The following FYB2 variants were observed in gnomAD, a reference collection of about 807,000 sequenced individuals.
FYB2 encodes FYN binding protein 2, also known as FYN-binding protein 2.
Under a neutral mutation model 94.1 loss-of-function variants are expected in FYB2, and 103 were observed. That is an observed-to-expected ratio of 1.09 (90% CI 0.93 to 1.29). The LOEUF (loss-of-function observed/expected upper bound fraction) is 1.29, where lower values mean the gene tolerates loss of function less well. Ranked by LOEUF, FYB2 falls within the 50% of genes most tolerant of loss-of-function variation. The probability of loss-of-function intolerance (pLI) is 0.00; values close to 1 mark genes in which losing one functional copy is unlikely to be tolerated. For missense variants in FYB2, 896 were observed against 841.5 expected, an observed-to-expected ratio of 1.06 and a Z score of -0.80; for synonymous variants, 293 against 287.9, an observed-to-expected ratio of 1.02 and a Z score of -0.18.
At chr1:56,769,612 G>A (rs562531148) in intron 4 of FYB2, among the ~76,000 whole-genome samples, 3 of 152,130 alleles carry the variant, frequency 2.0e-5, no homozygotes, top group South Asian at 2.1e-4. Context: ...CATTATTTAC[G>A]AGCAGGATGG....
chr1:56,762,461 A>G (rs1645519765), intron 5 of FYB2, among the ~76,000 whole-genome samples: 1 of 152,200 alleles, frequency 6.6e-6, no homozygotes. Flanking sequence ...TAGGATTTAA[A>G]TATAAACACA....
In FYB2 at chr1:56,750,392, C is replaced by A. The variant is rs188014368; in HGVS notation, c.1387+652G>T. 2.0e-4 allele frequency among the ~76,000 whole-genome samples: 31 copies of A among 152,030 alleles called. 1 individual carries two copies. Among genetic ancestry groups the A allele is most frequent in the Non-Finnish European group, 3.1e-4 (21 of 67,948 alleles). ...GGCCGTTCTGTTGCTATTGAAGTGT[C>A]AACTGAAAGGGTAGCAAAACCAGGA... On this transcript the variant is annotated intron_variant, in intron 9 of 19. Coordinates refer to ENST00000343433, the MANE Select transcript of FYB2 (RefSeq NM_001004303.5).
At chr1:56,816,155 A>G (rs1646877595) in intron 1 of FYB2, among the ~76,000 whole-genome samples, 1 of 152,232 alleles carries the variant, frequency 6.6e-6, no homozygotes, top group Non-Finnish European at 1.5e-5. Context: ...GCATTTTTCT[A>G]TATTTCACAA....
In FYB2 at chr1:56,719,837, AG is replaced by A. The variant is rs112749812; in HGVS notation, c.2166-146del. ...ATAAAGCTGTGTAGAGAAGTTTGAT[AG>A]CATACTCAGGAGAGACAGTAATAAA... On this transcript the variant is annotated intron_variant, in intron 19 of 19. Coordinates refer to ENST00000343433, the MANE Select transcript of FYB2 (RefSeq NM_001004303.5). The A allele has an allele frequency of 1.8e-5, 18 of 1,020,752 alleles. No individual in the cohort carries two copies. The African/African-American group carries it at 2.6e-4, about 15-fold the overall frequency. 63.2% of individuals were successfully genotyped at this position (1,020,752 alleles called of 1,614,324 possible). A position where few individuals can be genotyped will look rare whatever the true frequency, so the allele number is the denominator to read the frequency against.
chr1:56,779,960 T>C (rs1204225209), intron 4 of FYB2, among the ~76,000 whole-genome samples: 1 of 152,130 alleles, frequency 6.6e-6, no homozygotes, highest in Non-Finnish European at 1.5e-5. Flanking sequence ...ACTAATATTG[T>C]GTATATTCAC....
At chr1:56,730,850 A>T (rs1644692536) in intron 15 of FYB2, among the ~76,000 whole-genome samples, 1 of 152,136 alleles carries the variant, frequency 6.6e-6, no homozygotes, top group South Asian at 2.1e-4. Context: ...TTACAGGTCG[A>T]TATCCCTGAT....
At chr1:56,737,962 T>A (rs1337194708) in intron 14 of FYB2, among the ~76,000 whole-genome samples, 2 of 152,096 alleles carry the variant, frequency 1.3e-5, no homozygotes, top group African/African-American at 4.8e-5. Flanking sequence ...TTATGAAATA[T>A]AATATACTTT....
At chr1:56,765,947 T>G (rs1165827376) in intron 5 of FYB2, among the ~76,000 whole-genome samples, 1 of 152,142 alleles carries the variant, frequency 6.6e-6, no homozygotes, top group Non-Finnish European at 1.5e-5. Context: ...ATGAGCTACT[T>G]GCAGGGGGGT....
upstream of FYB2, among the ~76,000 whole-genome samples, chr1:56,823,175 G>C (rs532580154): frequency 7.1e-4 from 108 of 152,276 alleles, no homozygotes; most frequent in African/African-American, 2.5e-3. Context: ...AGAAAGGTTA[G>C]GCAGATGTCC....
chr1:56,806,404 G>T (rs1288376727), intron 1 of FYB2, among the ~76,000 whole-genome samples: 1 of 152,182 alleles, frequency 6.6e-6, no homozygotes, highest in African/African-American at 2.4e-5. Flanking sequence ...GCATTTCAAA[G>T]ACCTGAACCT....
Position 56,744,274 on chromosome 1 carries a change from G to A in FYB2, c.1388-8C>T, listed in dbSNP as rs1450711267. ...AAACCTCCAGATGCCCACCTGAAAG[G>A]AAACCAGAAAACCTGAAAAACATCA... is the stretch of plus-strand genomic sequence containing the variant. On this transcript the variant is annotated splice_region_variant and splice_polypyrimidine_tract_variant and intron_variant, in intron 9 of 19. Coordinates refer to ENST00000343433, the MANE Select transcript of FYB2 (RefSeq NM_001004303.5). The A allele has an allele frequency of 3.8e-6, 6 of 1,599,676 alleles. No homozygotes were observed. The highest frequency in any genetic ancestry group is 5.1e-6 in the Non-Finnish European group (6 of 1,170,420).
chr1:56,737,540 G>T (rs947259771), intron 14 of FYB2: 15 of 156,716 alleles, frequency 9.6e-5, no homozygotes, highest in Non-Finnish European at 2.0e-4. Context: ...TCCTAGGGGG[G>T]AGAAACAGCT....
chr1:56,726,324 T>C (rs1644582604), intron 16 of FYB2, among the ~76,000 whole-genome samples, 173 bp downstream of exon 16: 2 of 152,092 alleles, frequency 1.3e-5, no homozygotes, highest in African/African-American at 4.8e-5. Flanking sequence ...TATTTTTATA[T>C]TCTTTGTCCC....
In FYB2 at chr1:56,751,008, T is replaced by TAATGATGA. The variant is rs148805895; in HGVS notation, c.1387+28_1387+35dup. 2.6e-3 allele frequency: 4,113 copies of TAATGATGA among 1,594,808 alleles called. 77 individuals are homozygous for TAATGATGA. The African/African-American group carries it at 0.048, about 19-fold the overall frequency. Reference sequence around the variant, plus strand: ...CCATGCTCAGCTATAAAACAAATTGTAATGATGAAGAAGATCAGAAAGAAA... The same window carrying TAATGATGA: ...CCATGCTCAGCTATAAAACAAATTGTAATGATGAAATGATGAAGAAGATCAGAAAGAAA... On this transcript the variant is annotated intron_variant, in intron 9 of 19. Coordinates refer to ENST00000343433, the MANE Select transcript of FYB2 (RefSeq NM_001004303.5).
chr1:56,757,687 C>CTTCCTTCCTTCTTTCT (rs1293394860), intron 6 of FYB2, among the ~76,000 whole-genome samples: 47 of 71,946 alleles, frequency 6.5e-4, no homozygotes, highest in African/African-American at 2.8e-3. Context: ...TCCTTCCTTC[C>CTTCCTTCCTTCTTTCT]TTCTTTCTTT....
At chr1:56,813,168 G>A (rs1646805952) in intron 1 of FYB2, among the ~76,000 whole-genome samples, 2 of 152,138 alleles carry the variant, frequency 1.3e-5, no homozygotes. Context: ...CAGTCATACT[G>A]GATTAACCCT....
intron 1 of FYB2, among the ~76,000 whole-genome samples, chr1:56,797,882 T>C (rs1041043947): frequency 4.6e-5 from 7 of 152,204 alleles, no homozygotes; most frequent in African/African-American, 1.7e-4. Context: ...AGATGGTCTG[T>C]CTACCTCCAT....
chr1:56,728,320 G>C (rs79409663), intron 15 of FYB2, among the ~76,000 whole-genome samples: 1 of 151,954 alleles, frequency 6.6e-6, no homozygotes, highest in African/African-American at 2.4e-5. Context: ...ACAGTAATGC[G>C]TACCTATTCT....
intron 1 of FYB2, among the ~76,000 whole-genome samples, chr1:56,804,210 G>T (rs187253029): frequency 4.0e-4 from 61 of 152,246 alleles, no homozygotes; most frequent in African/African-American, 1.4e-3. Flanking sequence ...TATATTCCAT[G>T]AACTCCTTGA....
Sources: gnomAD v4.1 joint callset for allele counts (sites outside exome capture counted in the v4.1 genomes callset) on GRCh38, gnomAD v4.1.1 for gene constraint, MANE v1.5 for transcripts, NCBI Gene and HGNC (gene_info 2026-07-23, HGNC 2026-07-21) for gene names.